Variants in ITCH observed in about 807,000 individuals in gnomAD.
ITCH encodes E3 ubiquitin-protein ligase Itchy homolog.
ITCH carries 28 observed loss-of-function variants against 126.8 expected under a neutral mutation model. The ratio of observed to expected loss-of-function variants is 0.22; its 90% confidence interval spans 0.16 to 0.30. The LOEUF is 0.30. ITCH is among the 10% of genes least tolerant of loss of function. ITCH has a pLI of 1.00. For synonymous variants in ITCH, 342 were observed against 340.0 expected, an observed-to-expected ratio of 1.01 and a Z score of -0.06; for missense variants, 631 against 1,032.4, an observed-to-expected ratio of 0.61 and a Z score of 5.33.
chr20:34,418,461 C>T (rs1031880661), intron 6 of ITCH, among the ~76,000 whole-genome samples: 11 of 151,700 alleles, frequency 7.3e-5, no homozygotes, highest in East Asian at 3.9e-4. Flanking sequence ...TTTGTAGTTC[C>T]GCTTAACGTT....
intron 12 of ITCH, among the ~76,000 whole-genome samples, chr20:34,456,472 A>G (rs1382907414): frequency 1.3e-5 from 2 of 149,320 alleles, no homozygotes; most frequent in Admixed American, 1.3e-4. Flanking sequence ...AGATCACAGA[A>G]TGGATTCAAA....
At chr20:34,496,227 C>A (rs1396374075) in intron 23 of ITCH, among the ~76,000 whole-genome samples, 1 of 151,916 alleles carries the variant, frequency 6.6e-6, no homozygotes, top group Non-Finnish European at 1.5e-5. Flanking sequence ...TTTGCATCTC[C>A]CTGATGATTA....
intron 12 of ITCH, among the ~76,000 whole-genome samples, chr20:34,452,547 G>T (rs2146333516): frequency 6.6e-6 from 1 of 152,302 alleles, no homozygotes; most frequent in Non-Finnish European, 1.5e-5. Context: ...TATATCAGAT[G>T]AAGCAACCCA....
At chr20:34,372,202 G>T (rs920924712) in intron 2 of ITCH, among the ~76,000 whole-genome samples, 1 of 149,786 alleles carries the variant, frequency 6.7e-6, no homozygotes, top group African/African-American at 2.5e-5. Flanking sequence ...CTACTCGGGA[G>T]GCTGAGGCAG....
chr20:34,404,963 G>A (rs1228964766), intron 3 of ITCH, among the ~76,000 whole-genome samples: 2 of 151,454 alleles, frequency 1.3e-5, no homozygotes, highest in African/African-American at 2.4e-5. Context: ...TCAAAAGCTT[G>A]TCTCTACCAG....
In ITCH at chr20:34,504,403, G is replaced by A; in HGVS notation, c.2489G>A (p.Cys830Tyr). 1 of 1,596,930 alleles carries A rather than the reference G, an allele frequency of 6.3e-7. No homozygotes were observed. The highest frequency in any genetic ancestry group is 8.6e-7 in the Non-Finnish European group (1 of 1,164,472). ...AATTGGCTACCCAGAAGTCATACCT[G>A]GTAAGTACAATCAGAATGGATAGAG... Reference protein sequence around the residue: ...KENWLPRSHTCFNRLDLPPYK... With the variant: ...KENWLPRSHTYFNRLDLPPYK... The change falls in exon 24 of 25, where the codon TGT (cysteine) becomes TAT (tyrosine). Residue 830 changes from cysteine to tyrosine, a missense_variant and splice_region_variant. Transcript: ENST00000374864.
chr20:34,461,254 GATCTTAATC>G (rs1986473685), intron 13 of ITCH, among the ~76,000 whole-genome samples: 1 of 152,120 alleles, frequency 6.6e-6, no homozygotes, highest in Non-Finnish European at 1.5e-5. Flanking sequence ...AAGAACTTTA[GATCTTAATC>G]ATTGGTAATG....
At chr20:34,412,999 A>G (rs1979262556) in intron 5 of ITCH, among the ~76,000 whole-genome samples, 1 of 151,998 alleles carries the variant, frequency 6.6e-6, no homozygotes, top group Non-Finnish European at 1.5e-5. Flanking sequence ...TCCTTTTCAG[A>G]TGCTTTTTTT....
chr20:34,376,927 A>G (rs952120628), intron 2 of ITCH, among the ~76,000 whole-genome samples: 1 of 152,196 alleles, frequency 6.6e-6, no homozygotes, highest in Admixed American at 6.6e-5. Context: ...TGACTTTTGT[A>G]CAAACTGGGA....
intron 23 of ITCH, among the ~76,000 whole-genome samples, chr20:34,497,932 C>G (rs774640741): frequency 2.6e-5 from 4 of 152,146 alleles, no homozygotes; most frequent in Non-Finnish European, 4.4e-5. Flanking sequence ...TTTAATAGTA[C>G]GGTTATTAGT....
chr20:34,440,622 A>G (rs1233147860), intron 9 of ITCH, among the ~76,000 whole-genome samples: 1 of 151,904 alleles, frequency 6.6e-6, no homozygotes, highest in Admixed American at 6.6e-5. Flanking sequence ...AAGCCCGGCT[A>G]ATTTTTGTAT....
chr20:34,504,649 C>G (rs1990508337), intron 24 of ITCH, among the ~76,000 whole-genome samples: 1 of 151,984 alleles, frequency 6.6e-6, no homozygotes, highest in Admixed American at 6.5e-5. Flanking sequence ...TAACTTTTCT[C>G]TGAGGGCAGC....
At chr20:34,466,281 G>A (rs1449080534) in intron 14 of ITCH, 2 of 469,958 alleles carry the variant, frequency 4.3e-6, no homozygotes, top group African/African-American at 4.0e-5. Context: ...TAGTCAAAAG[G>A]ATTAAAGTGT....
intron 20 of ITCH, among the ~76,000 whole-genome samples, chr20:34,488,002 GTGT>G (rs1048086252): frequency 3.9e-5 from 6 of 152,214 alleles, no homozygotes; most frequent in Admixed American, 3.9e-4. Flanking sequence ...GCTCTTTGTG[GTGT>G]TGTTGTCATA....
At chr20:34,424,312 T>C (rs1981197042) in intron 6 of ITCH, among the ~76,000 whole-genome samples, 168 bp from the exon 7 acceptor site, 1 of 152,254 alleles carries the variant, frequency 6.6e-6, no homozygotes, top group African/African-American at 2.4e-5. Flanking sequence ...TTTGCAGTCA[T>C]GAAAATCACA....
chr20:34,402,605 C>A, intron 3 of ITCH: 1 of 649,296 alleles, frequency 1.5e-6, no homozygotes, highest in South Asian at 1.6e-5. Context: ...GCATAGTTGT[C>A]AAAAACAGTT....
chr20:34,503,011 C>CA (rs1194624669), intron 23 of ITCH, among the ~76,000 whole-genome samples: 2 of 151,866 alleles, frequency 1.3e-5, no homozygotes, highest in Non-Finnish European at 2.9e-5. Context: ...GACTCTGTCT[C>CA]AAAAAATATA....
intron 3 of ITCH, among the ~76,000 whole-genome samples, chr20:34,397,756 T>C (rs2038727294): frequency 6.6e-6 from 1 of 152,082 alleles, no homozygotes; most frequent in African/African-American, 2.4e-5. Flanking sequence ...ATCCTCAATC[T>C]AGCTTGAGTA....
chr20:34,486,325 CTT>C (rs75327787), intron 20 of ITCH, among the ~76,000 whole-genome samples: 1 of 144,768 alleles, frequency 6.9e-6, no homozygotes, highest in African/African-American at 2.5e-5. Flanking sequence ...CAGTCCACAC[CTT>C]TTTTTTTTTT....
Sources: gnomAD v4.1 joint callset for allele counts (sites outside exome capture counted in the v4.1 genomes callset) on GRCh38, gnomAD v4.1.1 for gene constraint, MANE v1.5 for transcripts, NCBI Gene and HGNC (gene_info 2026-07-23, HGNC 2026-07-21) for gene names.